Variants in SLC13A2 observed in about 807,000 individuals in gnomAD.
SLC13A2 encodes solute carrier family 13 member 2, also known as Na(+)-coupled citrate transporter.
SLC13A2 carries 40 observed loss-of-function variants against 58.5 expected under a neutral mutation model. The ratio of observed to expected loss-of-function variants is 0.68; its 90% CI spans 0.53 to 0.89. The LOEUF (loss-of-function observed/expected upper bound fraction) is 0.89. SLC13A2 is among the 40% of genes least tolerant of loss of function. The pLI is 0.00. For missense variants in SLC13A2, 694 were observed against 772.6 expected (o/e 0.90, Z 1.21); for synonymous variants, 341 against 331.6 (o/e 1.03, Z -0.31).
chr17:28,497,285 G>A lies in SLC13A2; in HGVS notation c.*16G>A, dbSNP rs1390459015. ...AAGCCCCTAGGCTGGGGCACAGCCT[G>A]GCCATGCCCAGGAAGACCCACCCCA... On this transcript the variant is annotated 3_prime_UTR_variant, in exon 12 of 12. Coordinates refer to ENST00000314669, the MANE Select transcript of SLC13A2 (RefSeq NM_003984.4). 1 of 1,604,768 alleles carries A rather than the reference G, an allele frequency of 6.2e-7. No homozygotes were observed. The highest frequency in any genetic ancestry group is 8.5e-7 in the Non-Finnish European group (1 of 1,173,564).
chr17:28,477,786 C>A (rs1345304229), intron 1 of SLC13A2, among the ~76,000 whole-genome samples: 1 of 151,302 alleles, frequency 6.6e-6, no homozygotes, highest in Non-Finnish European at 1.5e-5. Context: ...CATGGTGGCT[C>A]ATGCCTGTAA....
In SLC13A2 at chr17:28,494,635, G is replaced by A. The variant is rs997890086; in HGVS notation, c.1308+123G>A. On this transcript the variant is annotated intron_variant, in intron 9 of 11. Coordinates refer to ENST00000314669, the MANE Select transcript of SLC13A2 (RefSeq NM_003984.4). This position sits in a 1 kb window ranked among gnomAD's most constrained non-coding sequence, Gnocchi z 4.0. ...TCCCCACGTAGGAGCCTCTCGGGTA[G>A]GCAGAGCCTTTGCAGCAGCTGGGAA... The A allele has an allele frequency of 5.0e-6, 7 of 1,412,862 alleles. No homozygotes were observed. In the East Asian group the frequency reaches 1.2e-4, roughly 23 times the overall value. 87.5% of individuals were successfully genotyped at this position (1,412,862 alleles called of 1,614,324 possible). A position where few individuals can be genotyped will look rare whatever the true frequency, so the allele number is the denominator to read the frequency against.
intron 5 of SLC13A2, 25 bp downstream of exon 5, chr17:28,491,642 T>G (rs781793250): frequency 1.2e-6 from 2 of 1,610,004 alleles, no homozygotes; most frequent in Admixed American, 1.7e-5. Flanking sequence ...GTGGGCCACC[T>G]TGGGGGATCT....
Position 28,493,565 on chromosome 17 carries a change from C to T in SLC13A2, c.879-6C>T. On this transcript the variant is annotated splice_region_variant and splice_polypyrimidine_tract_variant and intron_variant, in intron 6 of 11. Coordinates refer to ENST00000314669, the MANE Select transcript of SLC13A2 (RefSeq NM_003984.4). ...CCCACGAGCTGCCCCGTCCCTCTGC[C>T]TGCAGCTTCCGGAAGAACTTTGGCA... The T allele has an allele frequency of 6.3e-7, 1 of 1,597,288 alleles. No homozygotes were observed. Among genetic ancestry groups the T allele is most frequent in the Non-Finnish European group, 8.6e-7 (1 of 1,168,732 alleles).
In SLC13A2 at chr17:28,491,978, C is replaced by G. The variant is rs1444101465; in HGVS notation, c.878+126C>G. ...ATGAGAAGGCTTCTCCCTCCCAAAG[C>G]CCCTCTGTGCACTTGGACCCCCATT... On this transcript the variant is annotated intron_variant, in intron 6 of 11. Coordinates refer to ENST00000314669, the MANE Select transcript of SLC13A2 (RefSeq NM_003984.4). The G allele has an allele frequency of 7.4e-6, 10 of 1,349,194 alleles. No homozygotes were observed. The East Asian group carries it at 1.9e-4, about 26-fold the overall frequency. The allele number at this position is 1,349,194 out of a possible 1,614,324, so 83.6% of individuals were successfully genotyped here. A position where few individuals can be genotyped will look rare whatever the true frequency, so the allele number is the denominator to read the frequency against.
chr17:28,492,098 G>C (rs1448098898), intron 6 of SLC13A2, among the ~76,000 whole-genome samples: 1 of 152,114 alleles, frequency 6.6e-6, no homozygotes, highest in Non-Finnish European at 1.5e-5. Context: ...TCAGTGCTGG[G>C]GCTGCAAACC....
chr17:28,492,513 A>G (rs2151461025), intron 6 of SLC13A2, among the ~76,000 whole-genome samples: 1 of 152,382 alleles, frequency 6.6e-6, no homozygotes, highest in East Asian at 1.9e-4. Context: ...CAGAGGCAAG[A>G]CAAGACGTGT....
intron 6 of SLC13A2, among the ~76,000 whole-genome samples, chr17:28,492,979 G>C (rs781969671): frequency 3.3e-5 from 5 of 152,234 alleles, no homozygotes; most frequent in Non-Finnish European, 5.9e-5. Context: ...TAGTAGAAGA[G>C]GTCAGCACAG....
intron 1 of SLC13A2, among the ~76,000 whole-genome samples, chr17:28,476,872 T>C (rs979459171): frequency 2.0e-5 from 3 of 151,968 alleles, no homozygotes; most frequent in Middle Eastern, 3.2e-3. Flanking sequence ...AAAATACTTG[T>C]TAGGCCTGGC....
At chr17:28,487,916 G>A (rs1450369918) in intron 1 of SLC13A2, among the ~76,000 whole-genome samples, 2 of 152,172 alleles carry the variant, frequency 1.3e-5, no homozygotes, top group African/African-American at 4.8e-5. Flanking sequence ...CATTCACACA[G>A]ACTACAAGGG....
At chr17:28,478,284 C>T (rs1017408883) in intron 1 of SLC13A2, among the ~76,000 whole-genome samples, 2 of 152,212 alleles carry the variant, frequency 1.3e-5, no homozygotes, top group Non-Finnish European at 2.9e-5. Context: ...TTCTCATGTC[C>T]GTCCAGCTGT....
chr17:28,475,452 C>A (rs1555599732), intron 1 of SLC13A2, among the ~76,000 whole-genome samples: 1 of 152,224 alleles, frequency 6.6e-6, no homozygotes, highest in Non-Finnish European at 1.5e-5. Context: ...TGCCTGATCT[C>A]CCCCATCCAC....
Position 28,494,275 on chromosome 17 carries a change from G to T in SLC13A2, c.1187-116G>T, listed in dbSNP as rs1234195935. Reference sequence around the variant, plus strand: ...AAAGTTGAGATGTTGCAGAACTGAGGGTCCCCTCCTGCACGCGTTAAGCTC... The same window carrying T: ...AAAGTTGAGATGTTGCAGAACTGAGTGTCCCCTCCTGCACGCGTTAAGCTC... On this transcript the variant is annotated intron_variant, in intron 8 of 11. Transcript: ENST00000314669. The surrounding 1 kb of genome is among the most constrained non-coding windows in gnomAD (Gnocchi z 4.0). 6.4e-7 allele frequency: 1 copy of T among 1,572,110 alleles called. No individual in the cohort carries two copies. Among genetic ancestry groups the T allele is most frequent in the African/African-American group, 1.4e-5 (1 of 73,978 alleles).
chr17:28,490,261 C>G, intron 2 of SLC13A2, 193 bp from the exon 3 acceptor site: 1 of 1,509,626 alleles, frequency 6.6e-7, no homozygotes, highest in Non-Finnish European at 8.9e-7. Context: ...GCAACAGAGC[C>G]AGACCCTGTC....
intron 1 of SLC13A2, among the ~76,000 whole-genome samples, chr17:28,480,457 C>G (rs924692647): frequency 6.6e-6 from 1 of 152,164 alleles, no homozygotes; most frequent in Non-Finnish European, 1.5e-5. Context: ...CTGTTCTGGG[C>G]CCCACCTCTA....
chr17:28,493,227 C>T (rs898769945), intron 6 of SLC13A2, among the ~76,000 whole-genome samples: 7 of 152,088 alleles, frequency 4.6e-5, no homozygotes, highest in Admixed American at 1.3e-4. Flanking sequence ...GAGGACTTCC[C>T]GAAGGCTGTT....
At chr17:28,474,841 GC>G (rs1319972855) in intron 1 of SLC13A2, among the ~76,000 whole-genome samples, 1 of 152,072 alleles carries the variant, frequency 6.6e-6, no homozygotes, top group Non-Finnish European at 1.5e-5. Context: ...GCTGCCTCCT[GC>G]CCCACCCCAC....
intron 1 of SLC13A2, among the ~76,000 whole-genome samples, chr17:28,476,634 C>T (rs2068675993): frequency 6.6e-6 from 1 of 152,072 alleles, no homozygotes; most frequent in Non-Finnish European, 1.5e-5. Context: ...TTTTAGGTTT[C>T]AGCTTAAATC....
chr17:28,489,328 G>C lies in SLC13A2; in HGVS notation c.217G>C (p.Val73Leu), dbSNP rs202116509. The C allele has an allele frequency of 1.2e-6, 2 of 1,606,504 alleles. No individual in the cohort carries two copies. The highest frequency in any genetic ancestry group is 2.2e-5 in the South Asian group (2 of 90,566). ...PLILFPMMGI[V>L]DASEVAVEYL... ...AATCCTGTTCCCTATGATGGGCATC[G>C]TGGATGCCTCTGAGGTGAGCCCCAT... Residue 73 changes from valine (V) to leucine (L), a missense_variant, in exon 2 of 12, where the codon GTG (valine) becomes CTG (leucine). Val to Leu is a conservative substitution (Grantham distance 32). Coordinates refer to ENST00000314669, the MANE Select transcript of SLC13A2 (RefSeq NM_003984.4).
Sources: gnomAD v4.1 joint callset for allele counts (sites outside exome capture counted in the v4.1 genomes callset) on GRCh38, gnomAD v4.1.1 for gene constraint, Gnocchi (gnomAD v3.1) non-coding constraint, MANE v1.5 for transcripts, NCBI Gene and HGNC (gene_info 2026-07-23, HGNC 2026-07-21) for gene names.